The following ANO4 variants were observed in gnomAD, a reference collection of about 807,000 sequenced individuals.
The protein encoded by ANO4 is anoctamin-4.
In ANO4, 69 loss-of-function variants were observed where a neutral mutation model predicts 141.9. The observed-to-expected ratio is 0.49, with a 90% CI of 0.40 to 0.59. The LOEUF is 0.59. Among genes scored for constraint, ANO4 ranks in the 20% least tolerant of loss-of-function variants. The pLI is 0.00. For missense variants in ANO4, 894 were observed against 1,162.2 expected (o/e 0.77, Z 3.36); for synonymous variants, 350 against 394.3 (o/e 0.89, Z 1.33).
At chr12:100,942,564 A>G (rs1288715541) in intron 5 of ANO4, 29 bp downstream of exon 5, 11 of 1,602,216 alleles carry the variant, frequency 6.9e-6, no homozygotes, top group Non-Finnish European at 9.4e-6. Flanking sequence ...TGAGAAAAAA[A>G]TATATACATA....
chr12:101,069,365 T>C, intron 14 of ANO4: 1 of 580,318 alleles, frequency 1.7e-6, no homozygotes, highest in South Asian at 1.9e-5. Context: ...AATATTTTGA[T>C]TTCTACAAAT....
chr12:101,014,505 T>C (rs1421315141), intron 8 of ANO4, among the ~76,000 whole-genome samples: 2 of 152,120 alleles, frequency 1.3e-5, no homozygotes, highest in Non-Finnish European at 2.9e-5. Flanking sequence ...TGGGGTGTGA[T>C]GGAGATATGC....
At chr12:101,115,277 G>A (rs1694454252) in intron 24 of ANO4, among the ~76,000 whole-genome samples, 1 of 152,046 alleles carries the variant, frequency 6.6e-6, no homozygotes, top group Non-Finnish European at 1.5e-5. Flanking sequence ...TATGAGGTGG[G>A]AACTTCTGTC....
intron 17 of ANO4, among the ~76,000 whole-genome samples, chr12:101,088,037 A>G (rs1464852208): frequency 6.6e-6 from 1 of 152,116 alleles, no homozygotes; most frequent in Non-Finnish European, 1.5e-5. Context: ...TGTGTTCACA[A>G]GGTGTAGTGG....
chr12:101,018,698 C>T (rs146957032), intron 8 of ANO4, among the ~76,000 whole-genome samples: 1 of 152,306 alleles, frequency 6.6e-6, no homozygotes, highest in African/African-American at 2.4e-5. Context: ...ACCAGCCACT[C>T]ACCGGATCCC....
intron 3 of ANO4, chr12:100,740,162 T>C: frequency 1.5e-6 from 1 of 687,326 alleles, no homozygotes; most frequent in Admixed American, 2.0e-5. Flanking sequence ...GATTCCTTCA[T>C]GCATTTGCCT....
At chr12:100,785,110 C>G (rs1006524841) in intron 3 of ANO4, among the ~76,000 whole-genome samples, 3 of 152,132 alleles carry the variant, frequency 2.0e-5, no homozygotes, top group Non-Finnish European at 4.4e-5. Flanking sequence ...TCTAGGTTTA[C>G]AGCATAGTTG....
intron 1 of ANO4, among the ~76,000 whole-genome samples, chr12:100,801,176 A>G (rs552165103): frequency 6.6e-6 from 1 of 151,830 alleles, no homozygotes; most frequent in African/African-American, 2.4e-5. Flanking sequence ...CTGTACCTCA[A>G]ATCTTGGTTT....
intron 3 of ANO4, among the ~76,000 whole-genome samples, chr12:100,928,614 C>A (rs534887175): frequency 4.6e-5 from 7 of 152,224 alleles, no homozygotes; most frequent in Middle Eastern, 3.4e-3. Context: ...GACTTGGAGG[C>A]TCTTTTATGC....
chr12:100,999,771 G>A (rs564692245), intron 8 of ANO4, among the ~76,000 whole-genome samples: 32 of 152,060 alleles, frequency 2.1e-4, no homozygotes, highest in African/African-American at 6.0e-4. Flanking sequence ...AGGGCCTGGC[G>A]CGATGGCTCA....
intron 5 of ANO4, among the ~76,000 whole-genome samples, chr12:100,967,091 G>A (rs1023671677): frequency 9.9e-5 from 15 of 152,020 alleles, no homozygotes; most frequent in Non-Finnish European, 2.1e-4. Context: ...AAAATTTTGT[G>A]TGTGAATCTT....
chr12:100,939,369 G>C lies in ANO4; in HGVS notation c.215G>C (p.Cys72Ser), dbSNP rs2042415285. ...GAATTAGAAGCTGTCAGCAGTCCTT[G>C]CAAAGATGACGATTCTCTTCTTCAC... ...FDELEAVSSP[C>S]KDDDSLLHPG... is the part of the protein sequence containing the mutation. The change falls in exon 4 of 28, where the codon TGC (cysteine) becomes TCC (serine). Residue 72 changes from cysteine to serine, a missense_variant. Physicochemically the swap from Cys to Ser is moderately radical, Grantham distance 112. Transcript: ENST00000392977. The C allele has an allele frequency of 6.2e-7, 1 of 1,613,548 alleles. No individual in the cohort carries two copies. Among genetic ancestry groups the C allele is most frequent in the Non-Finnish European group, 8.5e-7 (1 of 1,179,690 alleles).
At chr12:100,723,891 A>G (rs2030979582) in intron 1 of ANO4, among the ~76,000 whole-genome samples, 1 of 152,184 alleles carries the variant, frequency 6.6e-6, no homozygotes, top group Admixed American at 6.5e-5. Flanking sequence ...TTTCTACTAG[A>G]ATGTAGTCCT....
chr12:100,760,141 C>T (rs976919624), intron 3 of ANO4, among the ~76,000 whole-genome samples: 2 of 152,140 alleles, frequency 1.3e-5, no homozygotes, highest in African/African-American at 2.4e-5. Flanking sequence ...TCTTGTGTGA[C>T]ACAGTCTTGA....
At chr12:101,043,688 T>A in intron 13 of ANO4, 53 bp downstream of exon 13, 1 of 1,273,536 alleles carries the variant, frequency 7.9e-7, no homozygotes, top group Non-Finnish European at 1.1e-6. Flanking sequence ...TACACCTTCC[T>A]GAGGGATGGT....
intron 3 of ANO4, among the ~76,000 whole-genome samples, chr12:100,754,610 A>G (rs991635918): frequency 2.0e-5 from 3 of 152,218 alleles, no homozygotes; most frequent in African/African-American, 7.2e-5. Context: ...AAACATTTGT[A>G]ACAAATGTTC....
intron 1 of ANO4, among the ~76,000 whole-genome samples, chr12:100,845,079 C>T (rs1019050730): frequency 2.0e-5 from 3 of 152,052 alleles, no homozygotes; most frequent in Non-Finnish European, 2.9e-5. Context: ...GATTAAGAAC[C>T]GGAGAGCAGG....
At chr12:100,883,944 G>A (rs989523504) in intron 1 of ANO4, among the ~76,000 whole-genome samples, 6 of 152,080 alleles carry the variant, frequency 3.9e-5, no homozygotes, top group African/African-American at 1.2e-4. Context: ...AAAATACAAC[G>A]GTTGTCCTCT....
At chr12:100,899,081 C>T (rs2040472543) in intron 1 of ANO4, among the ~76,000 whole-genome samples, 1 of 152,048 alleles carries the variant, frequency 6.6e-6, no homozygotes, top group Non-Finnish European at 1.5e-5. Context: ...AGAGAGAGAC[C>T]TCTGGGAGTA....
Sources: gnomAD v4.1 joint callset for allele counts (sites outside exome capture counted in the v4.1 genomes callset) on GRCh38, gnomAD v4.1.1 for gene constraint, MANE v1.5 for transcripts, NCBI Gene and HGNC (gene_info 2026-07-23, HGNC 2026-07-21) for gene names.